GAS7: variants seen among roughly 807,000 people sequenced by gnomAD.
GAS7 encodes the protein growth arrest specific 7.
A neutral mutation model predicts 71.1 loss-of-function variants in GAS7; 28 were observed. The ratio of observed to expected loss-of-function variants is 0.39; its 90% CI spans 0.29 to 0.54. GAS7 has a LOEUF of 0.54. GAS7 is among the 20% of genes least tolerant of loss of function. The pLI, the probability that GAS7 is intolerant of heterozygous loss-of-function variation, is 0.62. For missense variants in GAS7, 436 were observed against 627.8 expected (o/e 0.69, Z 3.27); for synonymous variants, 258 against 245.8 (o/e 1.05, Z -0.46).
Position 9,913,714 on chromosome 17 carries a change from G to A in GAS7, c.*3514C>T, listed in dbSNP as rs971050455. The A allele has an allele frequency of 8.6e-6, 2 of 231,688 alleles. No homozygotes were observed. Among genetic ancestry groups the A allele is most frequent in the East Asian group, 6.1e-5 (1 of 16,412 alleles). 14.4% of individuals were successfully genotyped at this position (231,688 alleles called of 1,614,324 possible). A position where few individuals can be genotyped will look rare whatever the true frequency, so the allele number is the denominator to read the frequency against. On this transcript the variant is annotated 3_prime_UTR_variant, in exon 14 of 14. Coordinates refer to ENST00000432992, the MANE Select transcript of GAS7 (RefSeq NM_201433.2). ...AGAATCTCAGGGCCGCCATCCCCAC[G>A]GTCCAAGGGGCCTATGTGTTGCCAC...
intron 5 of GAS7, among the ~76,000 whole-genome samples, chr17:9,955,816 G>A (rs2069209717): frequency 6.6e-6 from 1 of 152,140 alleles, no homozygotes; most frequent in Admixed American, 6.5e-5. Flanking sequence ...CGAGACCAGT[G>A]TCCTCAACAA....
chr17:9,990,787 G>A (rs1272857286), intron 2 of GAS7, among the ~76,000 whole-genome samples: 8 of 152,170 alleles, frequency 5.3e-5, no homozygotes, highest in Admixed American at 1.3e-4. Flanking sequence ...CTCAAAGTAT[G>A]GTTCCCGGAC....
chr17:9,972,391 G>T (rs2070006722), intron 3 of GAS7, among the ~76,000 whole-genome samples: 1 of 152,182 alleles, frequency 6.6e-6, no homozygotes, highest in South Asian at 2.1e-4. Flanking sequence ...CATGAGAGTG[G>T]AGAAATTTTA....
chr17:10,139,017 C>A (rs1276041605), intron 1 of GAS7, among the ~76,000 whole-genome samples: 1 of 152,166 alleles, frequency 6.6e-6, no homozygotes. Context: ...TTTAAAAATA[C>A]CTCTTCTTGG....
At chr17:10,027,486 G>A (rs972827894) in intron 1 of GAS7, among the ~76,000 whole-genome samples, 1 of 152,220 alleles carries the variant, frequency 6.6e-6, no homozygotes, top group African/African-American at 2.4e-5. Context: ...GGATTAAGAG[G>A]TGGGACCTTT....
chr17:10,003,336 A>G (rs926949297), intron 2 of GAS7, among the ~76,000 whole-genome samples: 3 of 152,236 alleles, frequency 2.0e-5, no homozygotes, highest in Non-Finnish European at 4.4e-5. Context: ...GCAGGTGTTC[A>G]CCCAAAGCCC....
At chr17:10,198,014 C>T (rs1410512213) in intron 1 of GAS7, among the ~76,000 whole-genome samples, 194 bp downstream of exon 1, 1 of 152,166 alleles carries the variant, frequency 6.6e-6, no homozygotes, top group Non-Finnish European at 1.5e-5. Flanking sequence ...GTCCGCGTTG[C>T]CCACGCCCCG....
At chr17:9,993,809 G>T (rs1467936879) in intron 2 of GAS7, among the ~76,000 whole-genome samples, 2 of 151,442 alleles carry the variant, frequency 1.3e-5, no homozygotes, top group African/African-American at 4.8e-5. Flanking sequence ...ATCTCCTTAG[G>T]CTGATAAGCA....
At chr17:10,174,761 G>A (rs1038913772) in intron 1 of GAS7, among the ~76,000 whole-genome samples, 1 of 151,982 alleles carries the variant, frequency 6.6e-6, no homozygotes, top group Non-Finnish European at 1.5e-5. Context: ...TTGACTTCAG[G>A]CCCCAGGTTC....
chr17:9,984,289 C>T (rs1024037056), intron 2 of GAS7, among the ~76,000 whole-genome samples: 2 of 151,976 alleles, frequency 1.3e-5, no homozygotes, highest in Non-Finnish European at 2.9e-5. Flanking sequence ...TCTCGTAGGC[C>T]CCAATACTCC....
chr17:10,080,988 A>T (rs773335476), intron 1 of GAS7, among the ~76,000 whole-genome samples: 1 of 152,250 alleles, frequency 6.6e-6, no homozygotes, highest in Non-Finnish European at 1.5e-5. Context: ...GGGATTTTTT[A>T]AAATAAGTAA....
At chr17:9,933,757 A>G (rs564341810) in intron 9 of GAS7, among the ~76,000 whole-genome samples, 6 of 152,144 alleles carry the variant, frequency 3.9e-5, no homozygotes, top group Non-Finnish European at 8.8e-5. Flanking sequence ...AGGTGGGAGA[A>G]TCGTTTGAGC....
chr17:10,006,258 T>C lies in GAS7; in HGVS notation c.304+13519A>G, dbSNP rs947513829. Among the ~76,000 whole-genome samples the C allele has an allele frequency of 2.7e-5, 4 of 150,076 alleles. No homozygotes were observed. In the South Asian group the frequency reaches 8.5e-4, roughly 32 times the overall value. On this transcript the variant is annotated intron_variant, in intron 2 of 13. Transcript: ENST00000432992. ...GAAGGCAGGAATGCTGTTCATCTTG[T>C]CCGGATGCCAGGGTGCTAAGCAGAA...
rs574129896 is a variant in GAS7, at chr17:9,919,260, G to A, written c.1218+366C>T. Among the ~76,000 whole-genome samples, 12 of 152,086 alleles carry A rather than the reference G, an allele frequency of 7.9e-5. No individual in the cohort carries two copies. Among genetic ancestry groups the A allele is most frequent in the East Asian group, 1.9e-4 (1 of 5,184 alleles). On this transcript the variant is annotated intron_variant, in intron 12 of 13. Coordinates refer to ENST00000432992, the MANE Select transcript of GAS7 (RefSeq NM_201433.2). This position sits in a 1 kb window ranked among gnomAD's most constrained non-coding sequence, Gnocchi z 5.0. ...ATCTCCTACCAAGGACCTGCAACTCGTGTGTGTGCATGTGTGGGGCGGTCC... is the reference window on the plus strand; with the variant it reads ...ATCTCCTACCAAGGACCTGCAACTCATGTGTGTGCATGTGTGGGGCGGTCC...
chr17:9,929,315 T>G (rs1192334942), intron 9 of GAS7, among the ~76,000 whole-genome samples: 1 of 152,132 alleles, frequency 6.6e-6, no homozygotes, highest in Admixed American at 6.5e-5. Flanking sequence ...GGTTCTGTGG[T>G]CTGGGGAAAA....
chr17:10,137,365 C>A (rs75255820), intron 1 of GAS7, among the ~76,000 whole-genome samples: 2,471 of 151,834 alleles, frequency 0.016, 71 homozygotes, highest in African/African-American at 0.057. Context: ...AACCTGCCCC[C>A]CTCACCCTCA....
chr17:10,022,711 G>A (rs1440635611), intron 1 of GAS7, among the ~76,000 whole-genome samples: 1 of 152,198 alleles, frequency 6.6e-6, no homozygotes, highest in Non-Finnish European at 1.5e-5. Context: ...AATGAATGGG[G>A]TTTTCCACTG....
intron 2 of GAS7, among the ~76,000 whole-genome samples, chr17:9,986,669 T>C (rs1597617609): frequency 6.6e-6 from 1 of 152,152 alleles, no homozygotes; most frequent in African/African-American, 2.4e-5. Context: ...GGGAGGCCCC[T>C]TTCCCTGCCC....
At chr17:10,060,873 CT>C (rs1419515933) in intron 1 of GAS7, among the ~76,000 whole-genome samples, 1 of 152,132 alleles carries the variant, frequency 6.6e-6, no homozygotes, top group African/African-American at 2.4e-5. Context: ...TTTGTCCCCC[CT>C]GAGGACATTT....
Sources: allele counts gnomAD v4.1 joint callset (sites outside exome capture counted in the v4.1 genomes callset), GRCh38; gene constraint gnomAD v4.1.1; non-coding constraint Gnocchi (gnomAD v3.1); transcripts MANE v1.5; gene names NCBI Gene and HGNC (gene_info 2026-07-23, HGNC 2026-07-21).